SLC7A5: variants seen among roughly 807,000 people sequenced by gnomAD.
The protein encoded by SLC7A5 is solute carrier family 7 member 5.
A neutral mutation model predicts 50.2 loss-of-function variants in SLC7A5; 23 were observed. The ratio of observed to expected loss-of-function variants is 0.46; its 90% confidence interval spans 0.33 to 0.65. The LOEUF (loss-of-function observed/expected upper bound fraction) is 0.65, where lower values mean the gene tolerates loss of function less well. Among genes scored for constraint, SLC7A5 ranks in the 30% least tolerant of loss-of-function variants. The pLI, the probability that SLC7A5 is intolerant of heterozygous loss-of-function variation, is 0.02. For missense variants in SLC7A5, 578 were observed against 684.4 expected, an observed-to-expected ratio of 0.84 and a Z score of 1.73; for synonymous variants, 393 against 330.6, an observed-to-expected ratio of 1.19 and a Z score of -2.05.
At chr16:87,848,691 A>G (rs115136437) in intron 2 of SLC7A5, among the ~76,000 whole-genome samples, 4,048 of 151,968 alleles carry the variant, frequency 0.027, 173 homozygotes, top group African/African-American at 0.09. Context: ...GAAAGGCCCA[A>G]CCCCTCAGAA....
rs540794282 is a variant in SLC7A5 at position 87,832,551 on chromosome 16, G to A, written c.*419C>T. On this transcript the variant is annotated 3_prime_UTR_variant, in exon 10 of 10. Coordinates refer to ENST00000261622, the MANE Select transcript of SLC7A5 (RefSeq NM_003486.7). The surrounding 1 kb of genome is among the most constrained non-coding windows in gnomAD (Gnocchi z 4.6). ...GTCTGTGGTAGCAATGAGGTTCCAA[G>A]TCTCAGTAGCTCTGTTTGCCCAGGG... 3 of 154,762 alleles carry A rather than the reference G, an allele frequency of 1.9e-5. No homozygotes were observed. The highest frequency in any genetic ancestry group is 7.2e-5 in the African/African-American group (3 of 41,590). The allele number at this position is 154,762 out of a possible 1,614,324, so 9.6% of individuals were successfully genotyped here. A position where few individuals can be genotyped will look rare whatever the true frequency, so the allele number is the denominator to read the frequency against.
chr16:87,863,170 A>T (rs1256245436), intron 1 of SLC7A5, among the ~76,000 whole-genome samples: 2 of 152,234 alleles, frequency 1.3e-5, no homozygotes, highest in East Asian at 3.8e-4. Flanking sequence ...AGACTGAGCC[A>T]GGGTATCTTC....
At chr16:87,851,643 G>C (rs2055224697) in intron 2 of SLC7A5, 81 bp downstream of exon 2, 1 of 1,544,168 alleles carries the variant, frequency 6.5e-7, no homozygotes, top group South Asian at 1.2e-5. Context: ...GAGGCACCCG[G>C]GGACGGGACC....
chr16:87,840,693 G>C (rs976620804), intron 3 of SLC7A5, among the ~76,000 whole-genome samples: 1 of 152,174 alleles, frequency 6.6e-6, no homozygotes, highest in African/African-American at 2.4e-5. Flanking sequence ...CTGCCTGTTC[G>C]CCCTACTGGG....
Position 87,853,498 on chromosome 16 carries a change from C to T in SLC7A5, c.539-1649G>A, listed in dbSNP as rs146150550. Among the ~76,000 whole-genome samples, 5 of 152,166 alleles carry T rather than the reference C, an allele frequency of 3.3e-5. No individual in the cohort carries two copies. Among genetic ancestry groups the T allele is most frequent in the African/African-American group, 1.2e-4 (5 of 41,420 alleles). ...GAAGAGGTGATTCTTCACCTCTTCCCAGGGCTCCCAGGGACATGGAGATGT... is the reference window on the plus strand; with the variant it reads ...GAAGAGGTGATTCTTCACCTCTTCCTAGGGCTCCCAGGGACATGGAGATGT... On this transcript the variant is annotated intron_variant, in intron 1 of 9. Coordinates refer to ENST00000261622, the MANE Select transcript of SLC7A5 (RefSeq NM_003486.7). This position sits in a 1 kb window ranked among gnomAD's most constrained non-coding sequence, Gnocchi z 4.4.
At position 87,840,146 on chromosome 16, in the gene SLC7A5, G is replaced by A. The variant is rs151076038; in HGVS notation, c.815+283C>T. On this transcript the variant is annotated intron_variant, in intron 4 of 9. Coordinates refer to ENST00000261622, the MANE Select transcript of SLC7A5 (RefSeq NM_003486.7). ...GTCTGAATTCTAAGGCTCTGCCCAC[G>A]AGCTGCACAGCCGGGGACCAGAGCC... Among the ~76,000 whole-genome samples the A allele has an allele frequency of 6.8e-3, 1,042 of 152,330 alleles. 7 individuals are homozygous for A. Among genetic ancestry groups the A allele is most frequent in the African/African-American group, 0.022 (920 of 41,584 alleles).
Position 87,868,866 on chromosome 16 carries a change from G to GC in SLC7A5, c.538+18dup. 6.3e-7 allele frequency: 1 copy of GC among 1,585,754 alleles called. No homozygotes were observed. Among genetic ancestry groups the GC allele is most frequent in the Non-Finnish European group, 8.6e-7 (1 of 1,166,626 alleles). ...AGAGACTACGACCTCCCAACCCCCG[G>GC]CCCGCGCCCCGTACTCACGCACGCA... On this transcript the variant is annotated intron_variant, in intron 1 of 9. Coordinates refer to ENST00000261622, the MANE Select transcript of SLC7A5 (RefSeq NM_003486.7).
rs2055266099 is a variant in SLC7A5, at chr16:87,853,544, G to A, written c.539-1695C>T. 6.6e-6 allele frequency among the ~76,000 whole-genome samples: 1 copy of A among 152,162 alleles called. No homozygotes were observed. The highest frequency in any genetic ancestry group is 2.4e-5 in the African/African-American group (1 of 41,430). On this transcript the variant is annotated intron_variant, in intron 1 of 9. Transcript: ENST00000261622. The surrounding 1 kb of genome is among the most constrained non-coding windows in gnomAD (Gnocchi z 4.4). ...GATGTTACCAGTCCAGAGCTCTCCA[G>A]TCCAACCCTCAGGGCTCAGCAGGGT...
intron 6 of SLC7A5, 127 bp from the exon 7 acceptor site, chr16:87,838,068 G>A (rs1367344579): frequency 1.3e-6 from 1 of 764,484 alleles, no homozygotes; most frequent in African/African-American, 1.7e-5. Context: ...GCCACAGTGG[G>A]AACCAGGCCC....
intron 2 of SLC7A5, among the ~76,000 whole-genome samples, chr16:87,844,972 C>T (rs1308194673): frequency 6.6e-6 from 1 of 152,248 alleles, no homozygotes; most frequent in Non-Finnish European, 1.5e-5. Flanking sequence ...AGGCCGACGA[C>T]AAGTGTCCTC....
chr16:87,856,235 C>A (rs569230885), intron 1 of SLC7A5, among the ~76,000 whole-genome samples: 3 of 152,220 alleles, frequency 2.0e-5, no homozygotes, highest in African/African-American at 7.2e-5. Flanking sequence ...CTGTGTTCCG[C>A]GCACGGTTTC....
At chr16:87,868,245 A>T (rs1281548359) in intron 1 of SLC7A5, among the ~76,000 whole-genome samples, 2 of 152,198 alleles carry the variant, frequency 1.3e-5, no homozygotes, top group Non-Finnish European at 2.9e-5. Flanking sequence ...TTTCCCAGAG[A>T]AACCTGGGAC....
intron 3 of SLC7A5, among the ~76,000 whole-genome samples, chr16:87,840,749 G>T (rs1282400978): frequency 1.3e-5 from 2 of 152,220 alleles, no homozygotes; most frequent in Non-Finnish European, 2.9e-5. Context: ...CAGGAGTCAG[G>T]CTGGGGACCT....
At chr16:87,855,369 G>A (rs191145279) in intron 1 of SLC7A5, among the ~76,000 whole-genome samples, 147 of 152,132 alleles carry the variant, frequency 9.7e-4, no homozygotes, top group Middle Eastern at 3.4e-3. Context: ...GCCCACAGAC[G>A]GGACAGGTGC....
intron 2 of SLC7A5, among the ~76,000 whole-genome samples, chr16:87,850,321 T>C (rs778653382): frequency 6.6e-6 from 1 of 152,144 alleles, no homozygotes; most frequent in Non-Finnish European, 1.5e-5. Context: ...TGTGTCTGCA[T>C]GTTTTGGCCT....
chr16:87,839,836 C>T lies in SLC7A5; in HGVS notation c.816-11G>A. On this transcript the variant is annotated splice_polypyrimidine_tract_variant and intron_variant, in intron 4 of 9. Coordinates refer to ENST00000261622, the MANE Select transcript of SLC7A5 (RefSeq NM_003486.7). ...GCCAGGGGCAGGTTTCTGGAAAGAACAGGGACGACATGTCACCCAACGCAG... is the reference window on the plus strand; with the variant it reads ...GCCAGGGGCAGGTTTCTGGAAAGAATAGGGACGACATGTCACCCAACGCAG... 6.2e-7 allele frequency: 1 copy of T among 1,613,580 alleles called. No individual in the cohort carries two copies. Among genetic ancestry groups the T allele is most frequent in the Admixed American group, 1.7e-5 (1 of 60,020 alleles).
At chr16:87,859,250 C>T (rs1413438488) in intron 1 of SLC7A5, among the ~76,000 whole-genome samples, 1 of 152,224 alleles carries the variant, frequency 6.6e-6, no homozygotes, top group East Asian at 1.9e-4. Context: ...TCTGCAGAGG[C>T]CCTGGGCTCT....
At chr16:87,850,570 C>T (rs2055209181) in intron 2 of SLC7A5, among the ~76,000 whole-genome samples, 1 of 152,230 alleles carries the variant, frequency 6.6e-6, no homozygotes. Context: ...ATCATCTCTA[C>T]CTGAGGCTCT....
chr16:87,846,846 C>T (rs1240617704), intron 2 of SLC7A5, among the ~76,000 whole-genome samples: 1 of 152,228 alleles, frequency 6.6e-6, no homozygotes, highest in African/African-American at 2.4e-5. Context: ...GGCTGTTGGA[C>T]CCTGCATGGC....
Sources: allele counts gnomAD v4.1 joint callset (sites outside exome capture counted in the v4.1 genomes callset), GRCh38; gene constraint gnomAD v4.1.1; non-coding constraint Gnocchi (gnomAD v3.1); transcripts MANE v1.5; gene names NCBI Gene and HGNC (gene_info 2026-07-23, HGNC 2026-07-21).